TRIO: variants seen among roughly 807,000 people sequenced by gnomAD.
The protein encoded by TRIO is trio Rho guanine nucleotide exchange factor.
A neutral mutation model predicts 351.9 loss-of-function variants in TRIO; 58 were observed. The ratio of observed to expected loss-of-function variants is 0.16; its 90% CI spans 0.13 to 0.21. The LOEUF (loss-of-function observed/expected upper bound fraction) is 0.21, where lower values mean the gene tolerates loss of function less well. TRIO is among the 10% of genes least tolerant of loss of function. TRIO has a pLI of 1.00. For missense variants in TRIO, 3,201 were observed against 4,027.8 expected (o/e 0.79, Z 5.56); for synonymous variants, 1,758 against 1,595.7 (o/e 1.10, Z -2.42).
intron 34 of TRIO, among the ~76,000 whole-genome samples, chr5:14,430,922 G>C (rs1427984648): frequency 6.6e-6 from 1 of 152,120 alleles, no homozygotes; most frequent in Non-Finnish European, 1.5e-5. Flanking sequence ...ATGTTGGCCA[G>C]GCGGGTCTTG....
At chr5:14,346,554 C>T (rs984713017) in intron 11 of TRIO, among the ~76,000 whole-genome samples, 4 of 152,192 alleles carry the variant, frequency 2.6e-5, no homozygotes, top group African/African-American at 4.8e-5. Context: ...GTGGATTTCA[C>T]GCATTACTCA....
intron 18 of TRIO, among the ~76,000 whole-genome samples, chr5:14,370,745 T>G (rs925121386): frequency 2.0e-5 from 3 of 152,200 alleles, no homozygotes; most frequent in African/African-American, 7.2e-5. Context: ...TCAACAGCTT[T>G]TTAAAGCCCC....
chr5:14,407,035 G>A (rs1005034832), intron 33 of TRIO, among the ~76,000 whole-genome samples: 7 of 152,052 alleles, frequency 4.6e-5, no homozygotes, highest in African/African-American at 1.7e-4. Flanking sequence ...TTTTAATTTA[G>A]GATCTTTAAG....
At chr5:14,235,566 A>G (rs995522999) in intron 1 of TRIO, among the ~76,000 whole-genome samples, 8 of 152,200 alleles carry the variant, frequency 5.3e-5, no homozygotes, top group African/African-American at 1.4e-4. Context: ...AAAGGTCTAT[A>G]TAAAATGTTT....
intron 11 of TRIO, among the ~76,000 whole-genome samples, chr5:14,357,774 A>C (rs1043152820): frequency 2.6e-5 from 4 of 152,062 alleles, no homozygotes; most frequent in African/African-American, 9.7e-5. Flanking sequence ...ACAAGTGTCC[A>C]CCTGCTAAGT....
intron 1 of TRIO, among the ~76,000 whole-genome samples, chr5:14,172,937 C>T (rs900769879): frequency 2.0e-5 from 3 of 152,114 alleles, no homozygotes; most frequent in African/African-American, 4.8e-5. Flanking sequence ...AGCGGTGGAG[C>T]GAATAGTCAC....
intron 11 of TRIO, among the ~76,000 whole-genome samples, chr5:14,350,628 C>G (rs953750424): frequency 1.3e-5 from 2 of 152,172 alleles, no homozygotes; most frequent in African/African-American, 4.8e-5. Flanking sequence ...CACGCACTGT[C>G]CCATCTTAAC....
chr5:14,230,593 C>T (rs1793354380), intron 1 of TRIO, among the ~76,000 whole-genome samples: 1 of 152,122 alleles, frequency 6.6e-6, no homozygotes, highest in Admixed American at 6.5e-5. Context: ...CTCTCCTGTG[C>T]TTCCTCAGAA....
At chr5:14,198,247 C>T (rs935026562) in intron 1 of TRIO, among the ~76,000 whole-genome samples, 1 of 152,122 alleles carries the variant, frequency 6.6e-6, no homozygotes, top group Non-Finnish European at 1.5e-5. Context: ...TACATTCTAT[C>T]TTGTGATGTG....
At chr5:14,309,574 AGATAGT>A (rs1357166797) in intron 8 of TRIO, among the ~76,000 whole-genome samples, 1 of 152,216 alleles carries the variant, frequency 6.6e-6, no homozygotes, top group Non-Finnish European at 1.5e-5. Flanking sequence ...TCTACCCCAG[AGATAGT>A]GAATCTCCAT....
At chr5:14,351,506 T>C (rs1197684635) in intron 11 of TRIO, among the ~76,000 whole-genome samples, 1 of 152,172 alleles carries the variant, frequency 6.6e-6, no homozygotes, top group Non-Finnish European at 1.5e-5. Flanking sequence ...ATGATTGTCT[T>C]TGTCAAAAAC....
intron 1 of TRIO, among the ~76,000 whole-genome samples, chr5:14,259,770 A>G (rs1420907609): frequency 6.7e-6 from 1 of 148,904 alleles, no homozygotes; most frequent in Non-Finnish European, 1.5e-5. Flanking sequence ...AAAACAAGTT[A>G]CAAAGTGCCA....
intron 41 of TRIO, among the ~76,000 whole-genome samples, chr5:14,477,827 C>T (rs938144989): frequency 1.3e-5 from 2 of 152,188 alleles, no homozygotes; most frequent in African/African-American, 2.4e-5. Context: ...TTTCATTACA[C>T]AGTATCCAAA....
intron 1 of TRIO, among the ~76,000 whole-genome samples, chr5:14,269,337 T>A (rs1795860774): frequency 6.6e-6 from 1 of 152,230 alleles, no homozygotes; most frequent in Non-Finnish European, 1.5e-5. Context: ...AATGATAATG[T>A]TGTAGAGACT....
At position 14,500,343 on chromosome 5, in the gene TRIO, G is replaced by A. The variant is rs27095; in HGVS notation, c.8332+1703G>A. Among the ~76,000 whole-genome samples the A allele has an allele frequency of 1.5e-3, 221 of 152,246 alleles. 4 individuals carry two copies. The East Asian group carries it at 0.038, about 26-fold the overall frequency. On this transcript the variant is annotated intron_variant, in intron 53 of 56. Transcript: ENST00000344204. ...CACCCACAAGCTGTCTGGGGTGTGC[G>A]CCCTCATTCTCTCCAGCCCTGGCTG...
chr5:14,271,033 T>C, intron 2 of TRIO, 134 bp downstream of exon 2: 1 of 669,714 alleles, frequency 1.5e-6, no homozygotes. Context: ...GGCTTTATTC[T>C]TGTAGCACTG....
chr5:14,402,003 G>A (rs777588408), intron 31 of TRIO, among the ~76,000 whole-genome samples: 3 of 152,172 alleles, frequency 2.0e-5, no homozygotes, highest in African/African-American at 4.8e-5. Context: ...TTCAGTGGAA[G>A]CCATTGTGTT....
rs1331938608 is a variant in TRIO, at chr5:14,497,281, T to TG, written c.8019+265dup. On this transcript the variant is annotated intron_variant, in intron 50 of 56. Transcript: ENST00000344204. This position sits in a 1 kb window ranked among gnomAD's most constrained non-coding sequence, Gnocchi z 4.4. ...GGCTTCTAAAGAATATGGTTAGGTT[T>TG]GCAAATGAAGCACAGAGACTAGGTT... Among the ~76,000 whole-genome samples, 1 of 152,192 alleles carries TG rather than the reference T, an allele frequency of 6.6e-6. No homozygotes were observed.
chr5:14,481,413 C>T, intron 44 of TRIO, 128 bp from the exon 45 acceptor site: 3 of 1,470,268 alleles, frequency 2.0e-6, no homozygotes, highest in Non-Finnish European at 9.4e-7. Flanking sequence ...CTCTCCAGTG[C>T]ATCTCCATAA....
Sources: allele counts gnomAD v4.1 joint callset (sites outside exome capture counted in the v4.1 genomes callset), GRCh38; gene constraint gnomAD v4.1.1; non-coding constraint Gnocchi (gnomAD v3.1); transcripts MANE v1.5; gene names NCBI Gene and HGNC (gene_info 2026-07-23, HGNC 2026-07-21).